TRIM5: variants seen among roughly 807,000 people sequenced by gnomAD.
TRIM5 encodes tripartite motif containing 5.
In TRIM5, 31 loss-of-function variants were observed where a neutral mutation model predicts 35.6. The ratio of observed to expected loss-of-function variants is 0.87; its 90% CI spans 0.65 to 1.18. The LOEUF (loss-of-function observed/expected upper bound fraction) is 1.18, where lower values mean the gene tolerates loss of function less well. Ranked by LOEUF, TRIM5 falls within the 50% of genes most tolerant of loss-of-function variation. The pLI is 0.00. For synonymous variants in TRIM5, 243 were observed against 215.6 expected, an observed-to-expected ratio of 1.13 and a Z score of -1.11; for missense variants, 609 against 591.6, an observed-to-expected ratio of 1.03 and a Z score of -0.31.
At chr11:5,649,253 A>G in the TRIM5 span, among the ~76,000 whole-genome samples, 537 of 152,330 alleles carry the variant, frequency 3.5e-3, 1 homozygote, top group African/African-American at 0.012. Context: ...ATATCTATTC[A>G]TAGTACCCCT....
the TRIM5 span, among the ~76,000 whole-genome samples, chr11:5,655,088 G>A: frequency 1.1e-3 from 168 of 152,032 alleles, no homozygotes; most frequent in African/African-American, 3.9e-3. Flanking sequence ...GCTACTTCGG[G>A]AGGCTGAGGC....
the TRIM5 span, chr11:5,644,035 C>G: frequency 4.6e-6 from 2 of 437,784 alleles, no homozygotes; most frequent in Non-Finnish European, 7.9e-6. Context: ...TCCATGCTAC[C>G]TAGGTAGTCC....
chr11:5,643,387 C>T, the TRIM5 span: 1 of 1,613,902 alleles, frequency 6.2e-7, no homozygotes, highest in African/African-American at 1.3e-5. Flanking sequence ...AGAAGATGTG[C>T]AAATCGTCAA....
At chr11:5,665,776 C>A in intron 6 of TRIM5, 94 bp from the exon 7 acceptor site, 1 of 1,466,220 alleles carries the variant, frequency 6.8e-7, no homozygotes, top group Non-Finnish European at 9.0e-7. Context: ...GTAGGTATGC[C>A]CTATGGTAGG....
the TRIM5 span, chr11:5,595,135 C>A: frequency 6.6e-6 from 1 of 152,222 alleles, no homozygotes; most frequent in Non-Finnish European, 1.5e-5. Flanking sequence ...CTCCCTACTG[C>A]CCAATCCTCC....
At chr11:5,667,198 A>G (rs1171138830) in intron 5 of TRIM5, among the ~76,000 whole-genome samples, 2 of 151,632 alleles carry the variant, frequency 1.3e-5, no homozygotes, top group Non-Finnish European at 2.9e-5. Context: ...CTTTTTTTTA[A>G]TTTTATTTAA....
intron 5 of TRIM5, among the ~76,000 whole-genome samples, chr11:5,667,082 G>A (rs1293185092): frequency 5.3e-5 from 8 of 152,154 alleles, no homozygotes; most frequent in South Asian, 4.1e-4. Context: ...TGGTGATGGC[G>A]CAGGGGTCCA....
intron 1 of TRIM5, among the ~76,000 whole-genome samples, chr11:5,682,278 C>T (rs1852533232): frequency 6.6e-6 from 1 of 152,102 alleles, no homozygotes. Context: ...TGACAGGTGC[C>T]TGTAATCCCA....
chr11:5,644,691 C>CG, the TRIM5 span, among the ~76,000 whole-genome samples: 3 of 151,916 alleles, frequency 2.0e-5, no homozygotes, highest in South Asian at 2.1e-4. Context: ...TACCGTGTGT[C>CG]GGGGGGGTGG....
chr11:5,630,589 C>T, the TRIM5 span, among the ~76,000 whole-genome samples: 25 of 152,342 alleles, frequency 1.6e-4, 1 homozygote, highest in South Asian at 5.2e-3. Flanking sequence ...CATTCACTTC[C>T]ATGATTCCTT....
the TRIM5 span, among the ~76,000 whole-genome samples, chr11:5,618,391 CAAAT>C: frequency 8.6e-5 from 13 of 152,002 alleles, no homozygotes; most frequent in Admixed American, 1.3e-4. Flanking sequence ...AACAAACAAA[CAAAT>C]AGTCAAAGTA....
At chr11:5,607,629 T>C in the TRIM5 span, among the ~76,000 whole-genome samples, 1 of 152,194 alleles carries the variant, frequency 6.6e-6, no homozygotes, top group East Asian at 1.9e-4. Flanking sequence ...CCAAATGAAA[T>C]TGAGGATGTG....
Position 5,678,509 on chromosome 11 carries a change from C to A in TRIM5, c.514-75G>T, listed in dbSNP as rs1196163145. 5.5e-6 allele frequency: 7 copies of A among 1,270,008 alleles called. No homozygotes were observed. The South Asian group carries it at 8.3e-5, about 15-fold the overall frequency. The allele number at this position is 1,270,008 out of a possible 1,614,324, so 78.7% of individuals were successfully genotyped here. A position where few individuals can be genotyped will look rare whatever the true frequency, so the allele number is the denominator to read the frequency against. ...CTGTTAGCCAGAAAAGGAGCTGTTT[C>A]TTTTGGGGAGTTCTCACAAGGAGGG... On this transcript the variant is annotated intron_variant, in intron 3 of 7. Transcript: ENST00000380034.
chr11:5,656,275 C>T, the TRIM5 span, among the ~76,000 whole-genome samples: 1 of 151,610 alleles, frequency 6.6e-6, no homozygotes, highest in African/African-American at 2.4e-5. Flanking sequence ...GGCTAAAATC[C>T]AGAATCTACA....
the TRIM5 span, among the ~76,000 whole-genome samples, chr11:5,614,244 C>G: frequency 6.6e-6 from 1 of 152,170 alleles, no homozygotes; most frequent in Non-Finnish European, 1.5e-5. Context: ...GTGTATGTAA[C>G]TGGTGGTGAG....
chr11:5,630,687 A>G, the TRIM5 span, among the ~76,000 whole-genome samples: 1 of 152,174 alleles, frequency 6.6e-6, no homozygotes, highest in Non-Finnish European at 1.5e-5. Context: ...CAAGCAAGAT[A>G]TCTTGGATAG....
At position 5,664,796 on chromosome 11, in the gene TRIM5, T is replaced by C; in HGVS notation, c.*13A>G. On this transcript the variant is annotated 3_prime_UTR_variant, in exon 8 of 8. Transcript: ENST00000380034. ...GAGGTGCTGTACAGAAGGGGCTGAG[T>C]GTGTAAGAAGGTTCAAGAGCTTGGT... is the stretch of plus-strand genomic sequence containing the variant. 1 of 1,568,486 alleles carries C rather than the reference T, an allele frequency of 6.4e-7. No homozygotes were observed. The highest frequency in any genetic ancestry group is 8.6e-7 in the Non-Finnish European group (1 of 1,161,700).
At chr11:5,624,890 T>C in the TRIM5 span, 2 of 152,288 alleles carry the variant, frequency 1.3e-5, no homozygotes, top group Non-Finnish European at 2.9e-5. Flanking sequence ...TCCCCTTTTC[T>C]CTTCCTGACA....
the TRIM5 span, among the ~76,000 whole-genome samples, chr11:5,592,967 G>A: frequency 6.7e-6 from 1 of 149,604 alleles, no homozygotes; most frequent in Non-Finnish European, 1.5e-5. Context: ...AAAATGAGAG[G>A]AAAGTAGGGA....
Sources: gnomAD v4.1 joint callset for allele counts (sites outside exome capture counted in the v4.1 genomes callset) on GRCh38, gnomAD v4.1.1 for gene constraint, MANE v1.5 for transcripts, NCBI Gene and HGNC (gene_info 2026-07-23, HGNC 2026-07-21) for gene names.